CFAP54: variants seen among roughly 807,000 people sequenced by gnomAD.
CFAP54 encodes cilia and flagella associated protein 54, also known as cilia- and flagella-associated protein 54.
CFAP54 carries 290 observed loss-of-function variants against 370.4 expected under a neutral mutation model. The observed-to-expected ratio is 0.78, with a 90% CI of 0.71 to 0.86. The LOEUF (loss-of-function observed/expected upper bound fraction) is 0.86, where lower values mean the gene tolerates loss of function less well. Ranked by LOEUF, CFAP54 falls within the 40% of genes least tolerant of loss-of-function variation. The probability of loss-of-function intolerance (pLI) is 0.00; values close to 1 mark genes in which losing one functional copy is unlikely to be tolerated. For missense variants in CFAP54, 3,399 were observed against 3,528.7 expected (o/e 0.96, Z 0.93); for synonymous variants, 1,206 against 1,236.5 (o/e 0.98, Z 0.52).
At chr12:96,562,921 A>T (rs1955830981) in intron 17 of CFAP54, among the ~76,000 whole-genome samples, 1 of 152,222 alleles carries the variant, frequency 6.6e-6, no homozygotes, top group Non-Finnish European at 1.5e-5. Flanking sequence ...TGAAAATTTG[A>T]TAAAGTTTTT....
chr12:96,723,921 A>T (rs547937902), intron 50 of CFAP54, among the ~76,000 whole-genome samples: 1 of 147,618 alleles, frequency 6.8e-6, no homozygotes, highest in East Asian at 2.0e-4. Context: ...GAGTGAGAAC[A>T]TGCGGTGTTT....
At chr12:96,722,137 C>G (rs1279480492) in intron 50 of CFAP54, among the ~76,000 whole-genome samples, 1 of 152,190 alleles carries the variant, frequency 6.6e-6, no homozygotes. Flanking sequence ...GTGCCACCCA[C>G]CAACCACCAT....
At chr12:96,772,282 C>T (rs1958470470) in intron 60 of CFAP54, among the ~76,000 whole-genome samples, 2 of 152,140 alleles carry the variant, frequency 1.3e-5, no homozygotes, top group African/African-American at 4.8e-5. Flanking sequence ...TTCTGGAGGT[C>T]AGAAGTCCAA....
chr12:96,538,330 A>G lies in CFAP54; in HGVS notation c.1792-54A>G, dbSNP rs769830411. ...TGTTTCTCAGCACACAGTAAATGTT[A>G]TATACATGTATTTTATTATTCCTAC... On this transcript the variant is annotated intron_variant, in intron 12 of 67. Coordinates refer to ENST00000524981, the MANE Select transcript of CFAP54 (RefSeq NM_001306084.2). The G allele has an allele frequency of 4.8e-5, 66 of 1,377,316 alleles. No homozygotes were observed. The Middle Eastern group carries it at 7.6e-4, about 16-fold the overall frequency. The allele number at this position is 1,377,316 out of a possible 1,614,324, so 85.3% of individuals were successfully genotyped here. A position where few individuals can be genotyped will look rare whatever the true frequency, so the allele number is the denominator to read the frequency against.
Position 96,860,952 on chromosome 12 carries a change from G to A in CFAP54, c.*14G>A, listed in dbSNP as rs770494552. The A allele has an allele frequency of 4.2e-5, 64 of 1,523,048 alleles. No homozygotes were observed. The highest frequency in any genetic ancestry group is 3.4e-4 in the Middle Eastern group (2 of 5,946). The allele number at this position is 1,523,048 out of a possible 1,614,324, so 94.3% of individuals were successfully genotyped here. ...ATTATTCCCTGAATATCCTATACAC[G>A]GTAACCTTATACAGGATTTAATTGT... On this transcript the variant is annotated splice_region_variant and 3_prime_UTR_variant, in exon 67 of 68. Transcript: ENST00000524981.
Position 96,686,233 on chromosome 12 carries a change from G to A in CFAP54, c.6014+995G>A, listed in dbSNP as rs189316886. On this transcript the variant is annotated intron_variant, in intron 42 of 67. Coordinates refer to ENST00000524981, the MANE Select transcript of CFAP54 (RefSeq NM_001306084.2). ...GTCCACAGTGGTCTTTCCTCAGCAT[G>A]TCAATATCCTAATCTCCTCTTCTTA... Among the ~76,000 whole-genome samples the A allele has an allele frequency of 2.8e-3, 422 of 152,238 alleles. 4 individuals carry two copies. Among genetic ancestry groups the A allele is most frequent in the Non-Finnish European group, 2.5e-3 (169 of 68,028 alleles).
At chr12:96,622,464 C>T (rs1301123315) in intron 27 of CFAP54, among the ~76,000 whole-genome samples, 1 of 152,002 alleles carries the variant, frequency 6.6e-6, no homozygotes, top group Non-Finnish European at 1.5e-5. Context: ...GATTCTTCTG[C>T]CTCAGCCTCT....
intron 66 of CFAP54, among the ~76,000 whole-genome samples, chr12:96,855,166 G>C (rs542573994): frequency 6.6e-6 from 1 of 152,200 alleles, no homozygotes; most frequent in South Asian, 2.1e-4. Context: ...CAGTATGATG[G>C]TAACTGCCCC....
At chr12:96,720,645 T>A in intron 50 of CFAP54, 80 bp downstream of exon 50, 1 of 1,138,858 alleles carries the variant, frequency 8.8e-7, no homozygotes, top group African/African-American at 1.6e-5. Flanking sequence ...ACTTAAATTT[T>A]ATGTAAGTTT....
chr12:96,829,384 C>G (rs1959162818), intron 66 of CFAP54, among the ~76,000 whole-genome samples: 1 of 152,068 alleles, frequency 6.6e-6, no homozygotes, highest in African/African-American at 2.4e-5. Flanking sequence ...AGAATTTTCC[C>G]TATGTACAGA....
chr12:96,618,521 C>T, intron 26 of CFAP54, among the ~76,000 whole-genome samples: 1 of 152,120 alleles, frequency 6.6e-6, no homozygotes, highest in East Asian at 1.9e-4. Context: ...GAAGCACTTC[C>T]CTTAACATTT....
At chr12:96,658,471 A>G (rs1016902876) in intron 38 of CFAP54, 125 bp downstream of exon 38, 3 of 1,168,286 alleles carry the variant, frequency 2.6e-6, no homozygotes, top group Non-Finnish European at 3.7e-6. Flanking sequence ...ACTTACTGGC[A>G]TTTATCATTC....
chr12:96,533,925 G>A lies in CFAP54; in HGVS notation c.1491G>A (p.Glu497=). The change falls in exon 10 of 68, where the codon GAG becomes GAA. Residue 497 remains glutamate (E), a synonymous_variant. Transcript: ENST00000524981. ...TAAAATTAGCTTTTACCTATGAGGA[G>A]TGGAGTTTATTTGAATCTTCTGCTG... The part of the protein sequence containing the change: ...KFIKLAFTYE[E]WSLFESSAVH... 1 of 1,533,174 alleles carries A rather than the reference G, an allele frequency of 6.5e-7. No individual in the cohort carries two copies. Among genetic ancestry groups the A allele is most frequent in the African/African-American group, 1.4e-5 (1 of 72,984 alleles). 95.0% of individuals were successfully genotyped at this position (1,533,174 alleles called of 1,614,324 possible). A position where few individuals can be genotyped will look rare whatever the true frequency, so the allele number is the denominator to read the frequency against.
At chr12:96,829,578 T>C (rs1959164422) in intron 66 of CFAP54, among the ~76,000 whole-genome samples, 1 of 152,110 alleles carries the variant, frequency 6.6e-6, no homozygotes, top group Non-Finnish European at 1.5e-5. Context: ...CATAGCTAGA[T>C]CTTTATTGAT....
intron 63 of CFAP54, among the ~76,000 whole-genome samples, chr12:96,805,017 G>A (rs1958862974): frequency 6.6e-6 from 1 of 152,052 alleles, no homozygotes; most frequent in Admixed American, 6.6e-5. Context: ...TTTAATAAAT[G>A]GTGCTGGGAA....
At chr12:96,538,352 C>T in intron 12 of CFAP54, 32 bp from the exon 13 acceptor site, 1 of 1,495,258 alleles carries the variant, frequency 6.7e-7, no homozygotes, top group Non-Finnish European at 9.0e-7. Flanking sequence ...TTTATTATTC[C>T]TACTCATTTA....
chr12:96,610,763 C>T (rs182643785), intron 26 of CFAP54, among the ~76,000 whole-genome samples: 261 of 152,308 alleles, frequency 1.7e-3, no homozygotes, highest in Non-Finnish European at 3.0e-3. Flanking sequence ...CTCAGAGGGT[C>T]CCACGGCCAC....
intron 39 of CFAP54, among the ~76,000 whole-genome samples, chr12:96,664,732 T>G (rs1957050052): frequency 1.0e-4 from 3 of 28,586 alleles, no homozygotes; most frequent in South Asian, 6.6e-4. Flanking sequence ...TATCTATATA[T>G]ATATATCTAT....
chr12:96,795,418 G>A (rs1257006301), intron 63 of CFAP54, among the ~76,000 whole-genome samples: 2 of 152,236 alleles, frequency 1.3e-5, no homozygotes, highest in East Asian at 1.9e-4. Flanking sequence ...AGGGTTAGGC[G>A]TGTCTAAGCC....
Sources: gnomAD v4.1 joint callset for allele counts (sites outside exome capture counted in the v4.1 genomes callset) on GRCh38, gnomAD v4.1.1 for gene constraint, MANE v1.5 for transcripts, NCBI Gene and HGNC (gene_info 2026-07-23, HGNC 2026-07-21) for gene names.